The following BBS9 variants were observed in gnomAD, a reference collection of about 807,000 sequenced individuals.
The protein encoded by BBS9 is Bardet-Biedl syndrome 9.
A neutral mutation model predicts 117.7 loss-of-function variants in BBS9; 89 were observed. The ratio of observed to expected loss-of-function variants is 0.76; its 90% confidence interval spans 0.64 to 0.90. The LOEUF (loss-of-function observed/expected upper bound fraction) is 0.90, where lower values mean the gene tolerates loss of function less well. Among genes scored for constraint, BBS9 ranks in the 40% least tolerant of loss-of-function variants. The pLI, the probability that BBS9 is intolerant of heterozygous loss-of-function variation, is 0.00. For synonymous variants in BBS9, 379 were observed against 370.9 expected (o/e 1.02, Z -0.25); for missense variants, 982 against 1,042.2 (o/e 0.94, Z 0.80).
chr7:33,556,270 A>G (rs1855279223), intron 21 of BBS9, among the ~76,000 whole-genome samples: 2 of 152,192 alleles, frequency 1.3e-5, no homozygotes, highest in African/African-American at 4.8e-5. Flanking sequence ...CTACTTTCTA[A>G]TTAAAGTCAT....
chr7:33,568,463 C>G (rs1416392992), intron 21 of BBS9, among the ~76,000 whole-genome samples: 1 of 152,188 alleles, frequency 6.6e-6, no homozygotes, highest in South Asian at 2.1e-4. Context: ...TCTTTTTACT[C>G]TCACATTTCC....
At chr7:33,475,785 TA>T (rs1197143161) in intron 19 of BBS9, among the ~76,000 whole-genome samples, 1 of 152,096 alleles carries the variant, frequency 6.6e-6, no homozygotes, top group African/African-American at 2.4e-5. Context: ...CACTATGATG[TA>T]AAGAAAGAGC....
chr7:33,218,860 C>A (rs927185897), intron 5 of BBS9, among the ~76,000 whole-genome samples: 4 of 152,266 alleles, frequency 2.6e-5, no homozygotes, highest in African/African-American at 9.6e-5. Context: ...TCTGCCTGGG[C>A]TCCCACTTTG....
chr7:33,457,321 A>G (rs960827179), intron 19 of BBS9, among the ~76,000 whole-genome samples: 1 of 152,198 alleles, frequency 6.6e-6, no homozygotes, highest in Non-Finnish European at 1.5e-5. Context: ...GCTTATGCTT[A>G]TGTAGAGGAG....
chr7:33,273,426 G>A (rs940843181), intron 8 of BBS9, among the ~76,000 whole-genome samples: 6 of 152,064 alleles, frequency 3.9e-5, no homozygotes, highest in Non-Finnish European at 5.9e-5. Context: ...ATTGGCCTCC[G>A]GCATACATTA....
chr7:33,473,070 T>C (rs370435003), intron 19 of BBS9, among the ~76,000 whole-genome samples: 6 of 152,322 alleles, frequency 3.9e-5, no homozygotes, highest in South Asian at 4.1e-4. Context: ...TGGATTCTTC[T>C]TTGAACTTGG....
intron 17 of BBS9, among the ~76,000 whole-genome samples, chr7:33,374,068 G>A (rs1023233338): frequency 6.6e-6 from 1 of 152,154 alleles, no homozygotes; most frequent in Non-Finnish European, 1.5e-5. Context: ...ACTAATGGGA[G>A]AGACAAACAG....
intron 5 of BBS9, among the ~76,000 whole-genome samples, chr7:33,208,333 G>C (rs983426679): frequency 2.6e-5 from 4 of 152,116 alleles, no homozygotes; most frequent in South Asian, 4.1e-4. Flanking sequence ...ACAAACCTCT[G>C]TCTCTGTTTT....
intron 20 of BBS9, among the ~76,000 whole-genome samples, chr7:33,522,382 A>G (rs1848759901): frequency 1.3e-5 from 2 of 149,710 alleles, no homozygotes; most frequent in South Asian, 4.2e-4. Flanking sequence ...AAGTGTTCCT[A>G]TTTCTCCACA....
chr7:33,166,968 C>T (rs952904435), intron 4 of BBS9, among the ~76,000 whole-genome samples: 6 of 152,218 alleles, frequency 3.9e-5, no homozygotes, highest in Non-Finnish European at 7.3e-5. Flanking sequence ...CTGTGTCAGT[C>T]ACGCTGGGAG....
intron 7 of BBS9, among the ~76,000 whole-genome samples, chr7:33,270,513 G>T (rs1163538282): frequency 6.6e-6 from 1 of 152,146 alleles, no homozygotes; most frequent in Admixed American, 6.5e-5. Context: ...AGTATAGAAA[G>T]AACTTAACTG....
Position 33,605,261 on chromosome 7 carries a change from C to G in BBS9, c.*35C>G, listed in dbSNP as rs751085268. ...AGTTGTTTGGTTGAGAGGAACATCCCCATCTCAAGGCCGAACCTGTGTGAA... is the reference window on the plus strand; with the variant it reads ...AGTTGTTTGGTTGAGAGGAACATCCGCATCTCAAGGCCGAACCTGTGTGAA... On this transcript the variant is annotated 3_prime_UTR_variant, in exon 23 of 23. Coordinates refer to ENST00000242067, the MANE Select transcript of BBS9 (RefSeq NM_198428.3). 6.2e-7 allele frequency: 1 copy of G among 1,600,746 alleles called. No individual in the cohort carries two copies. The highest frequency in any genetic ancestry group is 2.2e-5 in the East Asian group (1 of 44,802).
intron 20 of BBS9, among the ~76,000 whole-genome samples, chr7:33,509,239 A>T (rs534476942): frequency 6.6e-6 from 1 of 152,332 alleles, no homozygotes; most frequent in East Asian, 1.9e-4. Flanking sequence ...GACAGCTTAT[A>T]CATCTTGAGA....
chr7:33,305,663 C>A (rs1807748432), intron 9 of BBS9, among the ~76,000 whole-genome samples: 1 of 152,088 alleles, frequency 6.6e-6, no homozygotes, highest in African/African-American at 2.4e-5. Context: ...GGAATTCATT[C>A]ATTTCTTCTA....
At chr7:33,599,236 G>T (rs1010348377) in intron 21 of BBS9, among the ~76,000 whole-genome samples, 6 of 152,062 alleles carry the variant, frequency 3.9e-5, no homozygotes, top group Non-Finnish European at 8.8e-5. Context: ...AAATAGATTA[G>T]CCAACTCCCT....
At chr7:33,136,046 C>A (rs762832442) in intron 1 of BBS9, among the ~76,000 whole-genome samples, 2 of 152,036 alleles carry the variant, frequency 1.3e-5, no homozygotes, top group Non-Finnish European at 2.9e-5. Context: ...GCCTCAGCCT[C>A]CTGTGTAGCT....
intron 5 of BBS9, among the ~76,000 whole-genome samples, chr7:33,251,940 G>T (rs757412757): frequency 6.6e-6 from 1 of 152,098 alleles, no homozygotes; most frequent in Admixed American, 6.5e-5. Context: ...GGCTGTTCTC[G>T]CATTGCTATA....
At chr7:33,447,363 G>A (rs1055428035) in intron 19 of BBS9, among the ~76,000 whole-genome samples, 5 of 152,124 alleles carry the variant, frequency 3.3e-5, no homozygotes, top group Non-Finnish European at 7.4e-5. Context: ...GTTAGACCTA[G>A]GATTTCAGAG....
intron 21 of BBS9, among the ~76,000 whole-genome samples, chr7:33,604,170 A>T (rs567173915): frequency 6.6e-6 from 1 of 152,342 alleles, no homozygotes; most frequent in South Asian, 2.1e-4. Context: ...CAAGTTGCAG[A>T]TGTAGTCAGG....
Sources: gnomAD v4.1 joint callset for allele counts (sites outside exome capture counted in the v4.1 genomes callset) on GRCh38, gnomAD v4.1.1 for gene constraint, MANE v1.5 for transcripts, NCBI Gene and HGNC (gene_info 2026-07-23, HGNC 2026-07-21) for gene names.